RNFT2: variants seen among roughly 807,000 people sequenced by gnomAD.
RNFT2 encodes ring finger protein, transmembrane 2, also known as E3 ubiquitin-protein ligase RNFT2.
A neutral mutation model predicts 53.0 loss-of-function variants in RNFT2; 36 were observed. The ratio of observed to expected loss-of-function variants is 0.68; its 90% CI spans 0.52 to 0.90. The LOEUF is 0.90. Ranked by LOEUF, RNFT2 falls within the 40% of genes least tolerant of loss-of-function variation. The pLI, the probability that RNFT2 is intolerant of heterozygous loss-of-function variation, is 0.00. For synonymous variants in RNFT2, 260 were observed against 253.2 expected, an observed-to-expected ratio of 1.03 and a Z score of -0.26; for missense variants, 514 against 585.6, an observed-to-expected ratio of 0.88 and a Z score of 1.26.
intron 10 of RNFT2, 81 bp from the exon 11 acceptor site, chr12:116,849,233 C>T (rs976208138): frequency 3.0e-5 from 37 of 1,213,160 alleles, no homozygotes; most frequent in Admixed American, 2.1e-4. Context: ...CTGTCTAGTC[C>T]GCTGCCCCTT....
rs989369069 is a variant in RNFT2 at position 116,851,022 on chromosome 12, A to G, written c.*1574A>G. 6.6e-6 allele frequency: 1 copy of G among 152,168 alleles called. No individual in the cohort carries two copies. The highest frequency in any genetic ancestry group is 2.4e-5 in the African/African-American group (1 of 41,436). 9.4% of individuals were successfully genotyped at this position (152,168 alleles called of 1,614,324 possible). ...ATACTTCATGCGCAGCAGGCAAAGC[A>G]TGCAGCATCCTGCTTGGATTACGTG... On this transcript the variant is annotated 3_prime_UTR_variant, in exon 11 of 11. Coordinates refer to ENST00000257575, the MANE Select transcript of RNFT2 (RefSeq NM_001382266.1).
rs1450846894 is a variant in RNFT2, at chr12:116,851,965, A to AC, written c.*2519dup. On this transcript the variant is annotated 3_prime_UTR_variant, in exon 11 of 11. Coordinates refer to ENST00000257575, the MANE Select transcript of RNFT2 (RefSeq NM_001382266.1). ...GGTAGCCTTCAGAGCAAACAGGACA[A>AC]CCTATGTTATGGATGTTTCCACCAA... 1 of 1,512,310 alleles carries AC rather than the reference A, an allele frequency of 6.6e-7. No homozygotes were observed. Among genetic ancestry groups the AC allele is most frequent in the Admixed American group, 2.2e-5 (1 of 46,474 alleles). 93.7% of individuals were successfully genotyped at this position (1,512,310 alleles called of 1,614,324 possible).
chr12:116,841,882 A>T (rs867276006), intron 10 of RNFT2, among the ~76,000 whole-genome samples: 5 of 23,452 alleles, frequency 2.1e-4, no homozygotes, highest in South Asian at 7.9e-4. Context: ...TATATATATA[A>T]ATATATATAA....
chr12:116,813,196 C>T lies in RNFT2; in HGVS notation c.883-20596C>T, dbSNP rs781018133. 2.0e-5 allele frequency among the ~76,000 whole-genome samples: 3 copies of T among 151,264 alleles called. No homozygotes were observed. In the East Asian group the frequency reaches 5.9e-4, roughly 30 times the overall value. On this transcript the variant is annotated intron_variant, in intron 7 of 10. Coordinates refer to ENST00000257575, the MANE Select transcript of RNFT2 (RefSeq NM_001382266.1). ...TTGGCCTTGAACTCTTGGTCTCAAG[C>T]GATCCACCCACCTTGGCCTCCTCCC...
intron 7 of RNFT2, among the ~76,000 whole-genome samples, chr12:116,820,448 G>A (rs909606396): frequency 6.6e-6 from 1 of 152,170 alleles, no homozygotes; most frequent in Non-Finnish European, 1.5e-5. Context: ...GTGCTCCATA[G>A]CGACATGTGA....
intron 7 of RNFT2, among the ~76,000 whole-genome samples, chr12:116,808,766 A>C (rs1467031720): frequency 6.6e-6 from 1 of 152,082 alleles, no homozygotes; most frequent in Non-Finnish European, 1.5e-5. Context: ...GGCAGGGAGG[A>C]GGGGCGGTCA....
rs556051680 is a variant in RNFT2, at chr12:116,747,582, AGT to A, written c.84-2257_84-2256del. ...ATGATATGAGATCAAGTATGAAAAC[AGT>A]GGAAAATTTCCACCAAAGCCTCCCT... is the stretch of plus-strand genomic sequence containing the variant. On this transcript the variant is annotated intron_variant, in intron 3 of 10. Transcript: ENST00000257575. Among the ~76,000 whole-genome samples, 1,251 of 152,228 alleles carry A rather than the reference AGT, an allele frequency of 8.2e-3. 8 individuals carry two copies. Among genetic ancestry groups the A allele is most frequent in the Middle Eastern group, 0.014 (4 of 294 alleles).
chr12:116,769,033 T>C (rs1157679235), intron 6 of RNFT2, among the ~76,000 whole-genome samples: 1 of 152,012 alleles, frequency 6.6e-6, no homozygotes, highest in Non-Finnish European at 1.5e-5. Context: ...GCCCACCCAT[T>C]GTCATTTTAG....
chr12:116,852,135 G>A lies in RNFT2; in HGVS notation c.*2687G>A. The stretch of plus-strand genomic sequence containing the variant: ...ACCACGCAGAAGCCACCAGAATCTT[G>A]CCTGCCCTATTCCTCCTCCCAAGTC... On this transcript the variant is annotated 3_prime_UTR_variant, in exon 11 of 11. Coordinates refer to ENST00000257575, the MANE Select transcript of RNFT2 (RefSeq NM_001382266.1). The A allele has an allele frequency of 9.8e-7, 1 of 1,021,562 alleles. No homozygotes were observed. The highest frequency in any genetic ancestry group is 2.7e-5 in the East Asian group (1 of 37,046). 63.3% of individuals were successfully genotyped at this position (1,021,562 alleles called of 1,614,324 possible). A position where few individuals can be genotyped will look rare whatever the true frequency, so the allele number is the denominator to read the frequency against.
intron 5 of RNFT2, among the ~76,000 whole-genome samples, chr12:116,763,795 G>C (rs896096574): frequency 1.9e-5 from 2 of 104,770 alleles, no homozygotes; most frequent in African/African-American, 4.3e-5. Flanking sequence ...AAAAGGGGGC[G>C]GGGGGGGAAA....
At chr12:116,806,367 CAAAAAA>C (rs139305837) in intron 7 of RNFT2, among the ~76,000 whole-genome samples, 222 of 113,948 alleles carry the variant, frequency 1.9e-3, no homozygotes, top group Middle Eastern at 4.2e-3. Context: ...GAGACTGTCT[CAAAAAA>C]AAAAAAAAAT....
At chr12:116,807,756 T>A (rs921123444) in intron 7 of RNFT2, among the ~76,000 whole-genome samples, 7 of 152,104 alleles carry the variant, frequency 4.6e-5, no homozygotes, top group Non-Finnish European at 7.4e-5. Context: ...TCAACTACCC[T>A]GGTACCCTCC....
intron 7 of RNFT2, among the ~76,000 whole-genome samples, chr12:116,780,685 GA>G (rs1790797807): frequency 6.7e-6 from 1 of 149,768 alleles, no homozygotes; most frequent in African/African-American, 2.5e-5. Context: ...AAAAAAAAAA[GA>G]GATGTGGAGA....
chr12:116,824,695 G>A (rs1280833724), intron 7 of RNFT2, among the ~76,000 whole-genome samples: 2 of 152,186 alleles, frequency 1.3e-5, no homozygotes, highest in Non-Finnish European at 1.5e-5. Flanking sequence ...TTCCTGGCTT[G>A]CAGAAGGTTG....
At chr12:116,768,736 C>CTCTCT (rs555119379) in intron 6 of RNFT2, among the ~76,000 whole-genome samples, 2 of 142,902 alleles carry the variant, frequency 1.4e-5, no homozygotes, top group African/African-American at 5.1e-5. Flanking sequence ...TTTTCTCTCT[C>CTCTCT]TTTTTTTTTT....
chr12:116,842,635 A>G (rs1336962364), intron 10 of RNFT2, among the ~76,000 whole-genome samples: 2 of 152,012 alleles, frequency 1.3e-5, no homozygotes, highest in Non-Finnish European at 2.9e-5. Context: ...GTGCAGTGGC[A>G]TGGTCTTGGC....
At chr12:116,782,738 C>A (rs1460564977) in intron 7 of RNFT2, among the ~76,000 whole-genome samples, 1 of 151,984 alleles carries the variant, frequency 6.6e-6, no homozygotes, top group African/African-American at 2.4e-5. Context: ...GTTATTCCTA[C>A]CACCCCCTTT....
chr12:116,771,482 A>AT lies in RNFT2; in HGVS notation c.728+4568_728+4569insT, dbSNP rs1217469321. Among the ~76,000 whole-genome samples the AT allele has an allele frequency of 1.6e-3, 192 of 117,704 alleles. 3 individuals are homozygous for AT. Among genetic ancestry groups the AT allele is most frequent in the South Asian group, 6.1e-3 (21 of 3,450 alleles). 77.2% of individuals were successfully genotyped at this position (117,704 alleles called of 152,430 possible). ...CGTTAAAAAAAAAAAAAAAAAAAAAAAAAAAAAAAAAAATACGTATATGAG... is the reference window on the plus strand; with the variant it reads ...CGTTAAAAAAAAAAAAAAAAAAAAAATAAAAAAAAAAAAATACGTATATGAG... On this transcript the variant is annotated intron_variant, in intron 6 of 10. Coordinates refer to ENST00000257575, the MANE Select transcript of RNFT2 (RefSeq NM_001382266.1).
Position 116,849,417 on chromosome 12 carries a change from G to A in RNFT2, c.1304G>A (p.Gly435Asp), listed in dbSNP as rs1393458628. ...AVDTLRCWKDGATSAHFQVY is the reference protein window; with the variant it reads ...AVDTLRCWKDDATSAHFQVY ...GACACCCTGCGCTGCTGGAAGGACG[G>A]CGCCACGTCCGCACACTTCCAGGTG... Residue 435 changes from glycine (G) to aspartate (D), a missense_variant, in exon 11 of 11, where the codon GGC (glycine) becomes GAC (aspartate). Physicochemically the swap from Gly to Asp is moderately conservative, Grantham distance 94. Around this residue, in one of 3 missense-constraint regions of RNFT2, gnomAD observed 273 missense variants for 334.4 expected, o/e 0.82. Coordinates refer to ENST00000257575, the MANE Select transcript of RNFT2 (RefSeq NM_001382266.1). 1.3e-6 allele frequency: 2 copies of A among 1,588,456 alleles called. No homozygotes were observed. Among genetic ancestry groups the A allele is most frequent in the Non-Finnish European group, 1.7e-6 (2 of 1,171,158 alleles).
Sources: gnomAD v4.1 joint callset for allele counts (sites outside exome capture counted in the v4.1 genomes callset) on GRCh38, gnomAD v4.1.1 for gene constraint, gnomAD v4.1.1 regional missense constraint, MANE v1.5 for transcripts, NCBI Gene and HGNC (gene_info 2026-07-23, HGNC 2026-07-21) for gene names.